Variants in NRG2 observed in about 807,000 individuals in gnomAD.
NRG2 encodes the protein neuregulin 2, also known as pro-neuregulin-2, membrane-bound isoform.
In NRG2, 27 loss-of-function variants were observed where a neutral mutation model predicts 73.9. The ratio of observed to expected loss-of-function variants is 0.37; its 90% CI spans 0.27 to 0.50. The LOEUF (loss-of-function observed/expected upper bound fraction) is 0.50. NRG2 is among the 20% of genes least tolerant of loss of function. The pLI is 0.96. For missense variants in NRG2, 1,126 were observed against 1,210.1 expected, an observed-to-expected ratio of 0.93 and a Z score of 1.03; for synonymous variants, 532 against 541.0, an observed-to-expected ratio of 0.98 and a Z score of 0.23.
intron 1 of NRG2, among the ~76,000 whole-genome samples, chr5:140,014,608 T>C (rs1234435002): frequency 6.6e-6 from 1 of 152,148 alleles, no homozygotes; most frequent in Non-Finnish European, 1.5e-5. Context: ...TTTTGGGCCT[T>C]ATCTGTTAAA....
In NRG2 at chr5:139,915,010, C is replaced by G. The variant is rs1293897672; in HGVS notation, c.701-27499G>C. On this transcript the variant is annotated intron_variant, in intron 1 of 9. Coordinates refer to ENST00000361474, the MANE Select transcript of NRG2 (RefSeq NM_004883.3). The surrounding 1 kb of genome is among the most constrained non-coding windows in gnomAD (Gnocchi z 4.0). Reference sequence around the variant, plus strand: ...TTGGCCTTTGTCACCTCATCTTTCCCATCCTCAAGGTTGCGATCCCTGCAC... The same window carrying G: ...TTGGCCTTTGTCACCTCATCTTTCCGATCCTCAAGGTTGCGATCCCTGCAC... 6.6e-6 allele frequency among the ~76,000 whole-genome samples: 1 copy of G among 152,176 alleles called. No homozygotes were observed. The highest frequency in any genetic ancestry group is 1.9e-4 in the East Asian group (1 of 5,180).
At position 139,888,115 on chromosome 5, in the gene NRG2, A is replaced by AAAACACACACACACAC. The variant is rs370887031; in HGVS notation, c.701-605_701-604insGTGTGTGTGTGTGTTT. On this transcript the variant is annotated intron_variant, in intron 1 of 9. Coordinates refer to ENST00000361474, the MANE Select transcript of NRG2 (RefSeq NM_004883.3). ...CCACCACCAAAATACAAAACAAAAC[A>AAAACACACACACACAC]ACACACACACACACACACACACACC... Among the ~76,000 whole-genome samples the AAAACACACACACACAC allele has an allele frequency of 5.2e-3, 769 of 148,892 alleles. 7 individuals are homozygous for AAAACACACACACACAC. Among genetic ancestry groups the AAAACACACACACACAC allele is most frequent in the African/African-American group, 0.018 (743 of 40,602 alleles).
rs1256848884 is a variant in NRG2 at position 139,868,741 on chromosome 5, G to A, written c.1112+2980C>T. Among the ~76,000 whole-genome samples the A allele has an allele frequency of 6.6e-6, 1 of 152,132 alleles. No homozygotes were observed. The highest frequency in any genetic ancestry group is 1.5e-5 in the Non-Finnish European group (1 of 68,014). The stretch of plus-strand genomic sequence containing the variant: ...CGGGGGAGGGGGTGGATGAAGGATG[G>A]CGGTGTGCCCCGGGCACTGGAGGGA... On this transcript the variant is annotated intron_variant, in intron 4 of 9. Transcript: ENST00000361474. This position sits in a 1 kb window ranked among gnomAD's most constrained non-coding sequence, Gnocchi z 4.2.
intron 1 of NRG2, among the ~76,000 whole-genome samples, chr5:140,014,374 C>A (rs909319980): frequency 2.0e-5 from 3 of 152,082 alleles, no homozygotes; most frequent in African/African-American, 7.2e-5. Context: ...GTAGCTATAA[C>A]TACAGGCATG....
chr5:139,995,201 C>T (rs1757933929), intron 1 of NRG2, among the ~76,000 whole-genome samples: 1 of 152,106 alleles, frequency 6.6e-6, no homozygotes. Flanking sequence ...GAGTCTAGAC[C>T]AAATAGGTCA....
At chr5:139,968,305 T>C (rs1430079139) in intron 1 of NRG2, among the ~76,000 whole-genome samples, 1 of 152,116 alleles carries the variant, frequency 6.6e-6, no homozygotes, top group Non-Finnish European at 1.5e-5. Context: ...AGAACGGGCC[T>C]CCGTGGTGGG....
In NRG2 at chr5:139,887,351, A is replaced by G; in HGVS notation, c.861T>C (p.Tyr287=). The G allele has an allele frequency of 2.5e-6, 4 of 1,614,186 alleles. No individual in the cohort carries two copies. The highest frequency in any genetic ancestry group is 3.4e-6 in the Non-Finnish European group (4 of 1,180,014). ...LNRSRDIRIK[Y]GNGRKNSRLQ... ...TGGATATTGCTTACCTGCCGTTGCC[A>G]TATTTGATGCGAATGTCTCGGCTGC... Residue 287 remains tyrosine, a synonymous_variant, in exon 2 of 10, where the codon TAT becomes TAC. Coordinates refer to ENST00000361474, the MANE Select transcript of NRG2 (RefSeq NM_004883.3). This position sits in a 1 kb window ranked among gnomAD's most constrained non-coding sequence, Gnocchi z 4.5.
rs116978511 is a variant in NRG2 at position 140,026,158 on chromosome 5, G to T, written c.700+16212C>A. On this transcript the variant is annotated intron_variant, in intron 1 of 9. Coordinates refer to ENST00000361474, the MANE Select transcript of NRG2 (RefSeq NM_004883.3). ...ACAAATGTAAAATTTGTTTGAAATT[G>T]TCAAGTAGATCATTTTAGCTATGGC... Among the ~76,000 whole-genome samples, 27 of 152,358 alleles carry T rather than the reference G, an allele frequency of 1.8e-4. No homozygotes were observed. The East Asian group carries it at 3.5e-3, about 20-fold the overall frequency.
intron 1 of NRG2, among the ~76,000 whole-genome samples, chr5:139,912,966 A>G (rs534824139): frequency 6.6e-6 from 1 of 152,220 alleles, no homozygotes; most frequent in African/African-American, 2.4e-5. Context: ...GTTCCTTGCC[A>G]TCAGCTGCTG....
intron 1 of NRG2, among the ~76,000 whole-genome samples, chr5:139,922,501 G>T (rs767873718): frequency 1.2e-4 from 18 of 152,186 alleles, no homozygotes; most frequent in Non-Finnish European, 2.1e-4. Context: ...ATTGCTGGTG[G>T]TAATGTCAAA....
intron 1 of NRG2, among the ~76,000 whole-genome samples, chr5:139,964,169 G>T (rs1755296278): frequency 6.6e-6 from 1 of 152,266 alleles, no homozygotes; most frequent in South Asian, 2.1e-4. Context: ...AGGCTGGGGT[G>T]AGAGAACAAA....
chr5:139,899,757 T>C, intron 1 of NRG2, among the ~76,000 whole-genome samples: 1 of 152,204 alleles, frequency 6.6e-6, no homozygotes, highest in East Asian at 1.9e-4. Context: ...GGGGAGGGCC[T>C]GCTCCAAGTG....
intron 5 of NRG2, among the ~76,000 whole-genome samples, chr5:139,860,946 A>C (rs1762108993): frequency 6.6e-6 from 1 of 152,052 alleles, no homozygotes; most frequent in African/African-American, 2.4e-5. Context: ...TGAGCTTCTG[A>C]ATTGTCCAGA....
intron 1 of NRG2, among the ~76,000 whole-genome samples, chr5:139,912,408 C>T (rs1255915249): frequency 1.3e-5 from 2 of 152,160 alleles, no homozygotes; most frequent in African/African-American, 4.8e-5. Flanking sequence ...AACAGCCCAA[C>T]TTCCCTGGCC....
chr5:140,031,542 A>T (rs918106278), intron 1 of NRG2, among the ~76,000 whole-genome samples: 5 of 152,184 alleles, frequency 3.3e-5, no homozygotes, highest in African/African-American at 1.2e-4. Flanking sequence ...ATGCTAGAAA[A>T]GTTGCCCTGG....
At chr5:139,885,495 C>T (rs535820972) in intron 2 of NRG2, among the ~76,000 whole-genome samples, 8 of 152,106 alleles carry the variant, frequency 5.3e-5, no homozygotes, top group Non-Finnish European at 7.4e-5. Context: ...GACGAGAGTG[C>T]GCAGTCAGTG....
At chr5:140,010,659 T>C (rs1396725258) in intron 1 of NRG2, among the ~76,000 whole-genome samples, 1 of 152,106 alleles carries the variant, frequency 6.6e-6, no homozygotes, top group Non-Finnish European at 1.5e-5. Flanking sequence ...TAAATACTTC[T>C]TTATTGTCCG....
intron 1 of NRG2, among the ~76,000 whole-genome samples, chr5:139,961,501 T>C (rs1031120374): frequency 3.3e-5 from 5 of 152,132 alleles, no homozygotes; most frequent in Non-Finnish European, 5.9e-5. Context: ...AAAACATTCT[T>C]CAAGGCCAGG....
At chr5:139,967,702 A>C (rs1222267770) in intron 1 of NRG2, among the ~76,000 whole-genome samples, 1 of 152,144 alleles carries the variant, frequency 6.6e-6, no homozygotes, top group Non-Finnish European at 1.5e-5. Context: ...GGCCGGGCAC[A>C]ATGGCTCTTG....
Sources: allele counts gnomAD v4.1 joint callset (sites outside exome capture counted in the v4.1 genomes callset), GRCh38; gene constraint gnomAD v4.1.1; non-coding constraint Gnocchi (gnomAD v3.1); transcripts MANE v1.5; gene names NCBI Gene and HGNC (gene_info 2026-07-23, HGNC 2026-07-21).